UBE2G1: variants seen among roughly 807,000 people sequenced by gnomAD.
UBE2G1 encodes ubiquitin conjugating enzyme E2 G1.
A neutral mutation model predicts 22.7 loss-of-function variants in UBE2G1; 5 were observed. The observed-to-expected ratio is 0.22, with a 90% CI of 0.12 to 0.46. UBE2G1 has a LOEUF of 0.46. Among genes scored for constraint, UBE2G1 ranks in the 20% least tolerant of loss-of-function variants. UBE2G1 has a pLI of 0.99. For synonymous variants in UBE2G1, 74 were observed against 67.5 expected (o/e 1.10, Z -0.47); for missense variants, 88 against 203.9 (o/e 0.43, Z 3.46).
At chr17:4,352,920 A>C (rs1002554314) in intron 1 of UBE2G1, among the ~76,000 whole-genome samples, 1 of 152,140 alleles carries the variant, frequency 6.6e-6, no homozygotes, top group African/African-American at 2.4e-5. Flanking sequence ...ACTAAAATAC[A>C]AAAATCAGCC....
intron 2 of UBE2G1, among the ~76,000 whole-genome samples, chr17:4,303,082 T>A (rs1019883695): frequency 1.3e-5 from 2 of 151,858 alleles, no homozygotes; most frequent in East Asian, 1.9e-4. Flanking sequence ...AAAAAAAAAA[T>A]TGTGACAGAC....
At chr17:4,308,651 C>A (rs946557923) in intron 1 of UBE2G1, among the ~76,000 whole-genome samples, 1 of 152,200 alleles carries the variant, frequency 6.6e-6, no homozygotes, top group Non-Finnish European at 1.5e-5. Context: ...ATTTTACCGG[C>A]CAGTGGAACT....
intron 1 of UBE2G1, among the ~76,000 whole-genome samples, chr17:4,355,585 T>C (rs1969896744): frequency 7.3e-6 from 1 of 136,902 alleles, no homozygotes; most frequent in Non-Finnish European, 1.6e-5. Context: ...GAGGTTGCGG[T>C]GGGCTGAGAT....
intron 1 of UBE2G1, among the ~76,000 whole-genome samples, chr17:4,357,352 C>T (rs913255782): frequency 3.9e-5 from 6 of 151,932 alleles, no homozygotes; most frequent in Non-Finnish European, 4.4e-5. Context: ...TAAATTAAAT[C>T]CTATCATAGG....
intron 1 of UBE2G1, among the ~76,000 whole-genome samples, chr17:4,347,760 G>A (rs1185350187): frequency 6.6e-6 from 1 of 152,090 alleles, no homozygotes; most frequent in Non-Finnish European, 1.5e-5. Context: ...AAAGGCGTGA[G>A]CCACCGCGCC....
chr17:4,278,890 A>G (rs1968851075), intron 5 of UBE2G1, among the ~76,000 whole-genome samples: 1 of 152,240 alleles, frequency 6.6e-6, no homozygotes, highest in Non-Finnish European at 1.5e-5. Context: ...GACAGACTTT[A>G]GCTTTACTTC....
At chr17:4,302,482 T>G in intron 2 of UBE2G1, 1 of 480,000 alleles carries the variant, frequency 2.1e-6, no homozygotes, top group Admixed American at 2.2e-5. Context: ...CTTCACGCAC[T>G]CCATTCAGAA....
chr17:4,313,038 A>G (rs1969329568), intron 1 of UBE2G1, among the ~76,000 whole-genome samples: 1 of 152,222 alleles, frequency 6.6e-6, no homozygotes, highest in Admixed American at 6.5e-5. Context: ...GTTTTATTTT[A>G]ATGGAAAAGG....
intron 1 of UBE2G1, among the ~76,000 whole-genome samples, chr17:4,309,118 G>A (rs1029851791): frequency 2.6e-5 from 4 of 152,168 alleles, no homozygotes; most frequent in African/African-American, 2.4e-5. Flanking sequence ...AAATTGGCCG[G>A]GCATGGAGGC....
chr17:4,354,056 T>C (rs1969876946), intron 1 of UBE2G1, among the ~76,000 whole-genome samples: 1 of 152,144 alleles, frequency 6.6e-6, no homozygotes, highest in Non-Finnish European at 1.5e-5. Context: ...CAGTTTATCA[T>C]ATACTCCAAC....
intron 1 of UBE2G1, among the ~76,000 whole-genome samples, chr17:4,320,234 G>A (rs966128459): frequency 2.0e-5 from 3 of 152,040 alleles, no homozygotes; most frequent in Non-Finnish European, 4.4e-5. Flanking sequence ...GAAAGGGAGA[G>A]AGGTACTAAG....
intron 1 of UBE2G1, among the ~76,000 whole-genome samples, chr17:4,332,660 C>T (rs1007061805): frequency 6.6e-6 from 1 of 152,158 alleles, no homozygotes; most frequent in Non-Finnish European, 1.5e-5. Flanking sequence ...CAGCTAAGTG[C>T]TGTGCCACCT....
At chr17:4,324,161 T>C (rs1969475616) in intron 1 of UBE2G1, among the ~76,000 whole-genome samples, 1 of 152,242 alleles carries the variant, frequency 6.6e-6, no homozygotes, top group Non-Finnish European at 1.5e-5. Flanking sequence ...CAAAATGGTA[T>C]ACACAAGCTT....
chr17:4,363,230 A>G (rs1472031313), intron 1 of UBE2G1, among the ~76,000 whole-genome samples: 1 of 152,202 alleles, frequency 6.6e-6, no homozygotes, highest in Non-Finnish European at 1.5e-5. Flanking sequence ...TTGCCCTACT[A>G]CTTTGTACAT....
chr17:4,286,087 G>A (rs904856733), intron 4 of UBE2G1, among the ~76,000 whole-genome samples: 2 of 152,204 alleles, frequency 1.3e-5, no homozygotes, highest in East Asian at 3.9e-4. Flanking sequence ...GATCAAAGGT[G>A]TAATATGAGA....
intron 3 of UBE2G1, among the ~76,000 whole-genome samples, chr17:4,294,911 A>G (rs982842496): frequency 2.0e-5 from 3 of 151,038 alleles, no homozygotes; most frequent in Middle Eastern, 3.4e-3. Context: ...TTAGAAAAAA[A>G]GGACGGAATG....
rs1969367408 is a variant in UBE2G1, at chr17:4,316,046, G to A, written c.47-8923C>T. On this transcript the variant is annotated intron_variant, in intron 1 of 5. Coordinates refer to ENST00000396981, the MANE Select transcript of UBE2G1 (RefSeq NM_003342.5). The stretch of plus-strand genomic sequence containing the variant: ...TCTCGATCTCCTGATCTCGTGATCC[G>A]CCCACCTCGGCCTCTCAAAGTGCTG... Among the ~76,000 whole-genome samples, 3 of 151,886 alleles carry A rather than the reference G, an allele frequency of 2.0e-5. No homozygotes were observed. The South Asian group carries it at 6.2e-4, about 32-fold the overall frequency.
At chr17:4,299,741 T>C (rs1969151920) in intron 2 of UBE2G1, among the ~76,000 whole-genome samples, 1 of 152,146 alleles carries the variant, frequency 6.6e-6, no homozygotes, top group Non-Finnish European at 1.5e-5. Flanking sequence ...ATAGCATTTC[T>C]GAGTTTTTCT....
rs1279894533 is a variant in UBE2G1 at position 4,323,971 on chromosome 17, T to TA, written c.47-16849dup. On this transcript the variant is annotated intron_variant, in intron 1 of 5. Transcript: ENST00000396981. ...CCAGGCAAGGATGATCAATGGATGCTAAAACCATTAAGTGAAAAGGTCACT... is the reference window on the plus strand; with the variant it reads ...CCAGGCAAGGATGATCAATGGATGCTAAAAACCATTAAGTGAAAAGGTCACT... 2.6e-5 allele frequency among the ~76,000 whole-genome samples: 4 copies of TA among 152,318 alleles called. No individual in the cohort carries two copies. In the East Asian group the frequency reaches 7.7e-4, roughly 29 times the overall value.
Sources: allele counts gnomAD v4.1 joint callset (sites outside exome capture counted in the v4.1 genomes callset), GRCh38; gene constraint gnomAD v4.1.1; transcripts MANE v1.5; gene names NCBI Gene and HGNC (gene_info 2026-07-23, HGNC 2026-07-21).